The following BCOR variants were observed in gnomAD, a reference collection of about 807,000 sequenced individuals.
The protein encoded by BCOR is BCL6 corepressor.
BCOR carries 10 observed loss-of-function variants against 86.7 expected under a neutral mutation model. The observed-to-expected ratio is 0.12, with a 90% confidence interval of 0.07 to 0.20. BCOR has a LOEUF of 0.20. Among genes scored for constraint, BCOR ranks in the 10% least tolerant of loss-of-function variants. The pLI is 1.00. For synonymous variants in BCOR, 611 were observed against 609.0 expected (o/e 1.00, Z -0.05); for missense variants, 1,259 against 1,452.1 (o/e 0.87, Z 2.16).
At chrX:40,111,043 G>T (rs1255355246) in intron 1 of BCOR, among the ~76,000 whole-genome samples, 1 of 110,782 alleles carries the variant, frequency 9.0e-6, no homozygotes, top group Non-Finnish European at 1.9e-5. Context: ...CAATATTGCA[G>T]CCAATTTGTG....
intron 1 of BCOR, among the ~76,000 whole-genome samples, chrX:40,130,203 G>C (rs1265143690): frequency 9.0e-6 from 1 of 111,259 alleles, no homozygotes; most frequent in African/African-American, 3.3e-5. Flanking sequence ...GCCTGATTAA[G>C]GGTGCACCCC....
At chrX:40,153,556 C>T (rs752453657) in intron 1 of BCOR, among the ~76,000 whole-genome samples, 1 of 112,041 alleles carries the variant, frequency 8.9e-6, no homozygotes, top group South Asian at 3.7e-4. Flanking sequence ...CTCTGCCCCA[C>T]CCCCCGCGGG....
chrX:40,097,064 G>A (rs1193980256), intron 1 of BCOR, among the ~76,000 whole-genome samples, 151 bp downstream of exon 1: 2 of 112,947 alleles, frequency 1.8e-5, no homozygotes, highest in Non-Finnish European at 3.8e-5. Flanking sequence ...ACGAAAGCGA[G>A]CCAAGCAGCC....
intron 1 of BCOR, among the ~76,000 whole-genome samples, chrX:40,158,493 G>A: frequency 8.9e-6 from 1 of 112,653 alleles, no homozygotes; most frequent in Non-Finnish European, 1.9e-5. Flanking sequence ...GGTCGGGGAC[G>A]ATGGGGCGGC....
intron 1 of BCOR, among the ~76,000 whole-genome samples, chrX:40,152,209 G>T (rs1411754586): frequency 8.9e-6 from 1 of 111,976 alleles, no homozygotes; most frequent in African/African-American, 3.2e-5. Flanking sequence ...TCCTGCAAGG[G>T]GACAGGCGGC....
intron 1 of BCOR, among the ~76,000 whole-genome samples, chrX:40,083,018 T>A (rs1936173765): frequency 9.3e-6 from 1 of 108,020 alleles, no homozygotes; most frequent in Non-Finnish European, 1.9e-5. Context: ...CTTCCTGGGG[T>A]TGCTCCAAAC....
At chrX:40,145,976 G>A (rs1938042130) in intron 1 of BCOR, among the ~76,000 whole-genome samples, 1 of 111,715 alleles carries the variant, frequency 9.0e-6, no homozygotes, top group African/African-American at 3.3e-5. Context: ...ATCGTGGGAC[G>A]CGGCGGCGGA....
At chrX:40,067,639 G>A (rs898558445) in intron 6 of BCOR, among the ~76,000 whole-genome samples, 8 of 111,485 alleles carry the variant, frequency 7.2e-5, no homozygotes, top group Admixed American at 1.9e-4. Flanking sequence ...AGATCTTTCC[G>A]CAAATGAGGC....
At chrX:40,071,294 C>G in intron 5 of BCOR, 135 bp from the exon 6 acceptor site, 1 of 617,751 alleles carries the variant, frequency 1.6e-6, no homozygotes, top group Non-Finnish European at 2.5e-6. Flanking sequence ...AGATGTAACT[C>G]AGATATTTTA....
intron 1 of BCOR, among the ~76,000 whole-genome samples, chrX:40,103,754 G>T (rs1358637016): frequency 9.0e-6 from 1 of 110,777 alleles, no homozygotes; most frequent in East Asian, 2.8e-4. Context: ...TAGCAATTAA[G>T]GCGAGAAGGG....
rs748562203 is a variant in BCOR at position 40,064,436 on chromosome X, C to A, written c.3402G>T (p.Arg1134Ser). The A allele has an allele frequency of 4.9e-6, 6 of 1,212,359 alleles. No individual in the cohort carries two copies. The highest frequency in any genetic ancestry group is 6.7e-6 in the Non-Finnish European group (6 of 895,623). ...MPHSPTLRVD[R>S]KRKVSGDSSH... ...TGCTGTCACCTGAGACTTTGCGTTT[C>A]CTGTCCACCCGGAGGGTGGGGCTGT... Residue 1134 changes from arginine (R) to serine (S), a missense_variant, in exon 7 of 15, where the codon AGG (arginine) becomes AGT (serine). Physicochemically the swap from Arg to Ser is moderately radical, Grantham distance 110. Transcript: ENST00000378444.
chrX:40,133,553 G>A (rs967885735), intron 1 of BCOR, among the ~76,000 whole-genome samples: 14 of 110,238 alleles, frequency 1.3e-4, no homozygotes, highest in Admixed American at 3.8e-4. Context: ...TCCGCCTCCC[G>A]GGTTCATGCC....
At chrX:40,153,537 G>A (rs1319946252) in intron 1 of BCOR, among the ~76,000 whole-genome samples, 1 of 111,847 alleles carries the variant, frequency 8.9e-6, no homozygotes, top group Non-Finnish European at 1.9e-5. Flanking sequence ...GAAGGGGAGG[G>A]CACCCAGACT....
At position 40,054,340 on chromosome X, in the gene BCOR, G is replaced by A. The variant is rs764603328; in HGVS notation, c.4742-7C>T. On this transcript the variant is annotated splice_polypyrimidine_tract_variant and splice_region_variant and intron_variant, in intron 12 of 14. Coordinates refer to ENST00000378444, the MANE Select transcript of BCOR (RefSeq NM_001123385.2). ...TGGAGGTCATTTAAATAATCTGGAG[G>A]GAGAGAAAAATAAAAAAACAAGATA... is the stretch of plus-strand genomic sequence containing the variant. The A allele has an allele frequency of 5.1e-6, 6 of 1,186,219 alleles. No homozygotes were observed. The highest frequency in any genetic ancestry group is 6.9e-6 in the Non-Finnish European group (6 of 875,849).
chrX:40,126,140 T>C lies in BCOR; in HGVS notation c.-40-48171A>G, dbSNP rs199959648. On this transcript the variant is annotated intron_variant, in intron 1 of 14. Transcript: ENST00000342274. ...CTGAGGCAGGAGAATCGCTTGAACCTGGGAGGCGGAGGTTGCAGTGAGCCA... is the reference window on the plus strand; with the variant it reads ...CTGAGGCAGGAGAATCGCTTGAACCCGGGAGGCGGAGGTTGCAGTGAGCCA... Among the ~76,000 whole-genome samples, 69 of 102,859 alleles carry C rather than the reference T, an allele frequency of 6.7e-4. No individual in the cohort carries two copies. In the East Asian group the frequency reaches 0.02, roughly 29 times the overall value. The allele number at this position is 102,859 out of a possible 115,157, so 89.3% of individuals were successfully genotyped here.
At chrX:40,108,935 A>T (rs1423722584) in intron 1 of BCOR, among the ~76,000 whole-genome samples, 5 of 113,020 alleles carry the variant, frequency 4.4e-5, no homozygotes, top group Non-Finnish European at 9.4e-5. Context: ...AAGGTAACAC[A>T]TGCACATTCG....
In BCOR at chrX:40,077,879, G is replaced by A. The variant is rs771428828; in HGVS notation, c.51C>T (p.Ser17=). Residue 17 remains serine (S), a synonymous_variant, in exon 2 of 15, where the codon AGC becomes AGT. Coordinates refer to ENST00000378444, the MANE Select transcript of BCOR (RefSeq NM_001123385.2). ...LYGNVHSWMN[S]ERVRMCGASE... ...TCGCCCCACACATGCGGACCCTCTC[G>A]CTGTTCATCCAGCTGTGAACGTTCC... The A allele has an allele frequency of 3.6e-5, 43 of 1,210,802 alleles. No individual in the cohort carries two copies. Among genetic ancestry groups the A allele is most frequent in the Non-Finnish European group, 4.7e-5 (42 of 895,212 alleles).
rs1373208021 is a variant in BCOR, at chrX:40,074,193, C to T, written c.1153G>A (p.Ala385Thr). ...PYMTVSSEFP[A>T]ARLSNGKYPK... The stretch of plus-strand genomic sequence containing the variant: ...TACTTGCCATTGGAGAGCCTGGCCG[C>T]GGGGAACTCGCTGCTAACTGTCATG... Residue 385 changes from alanine to threonine, a missense_variant, in exon 4 of 15, where the codon GCG becomes ACG. Ala to Thr is a moderately conservative substitution (Grantham distance 58). Coordinates refer to ENST00000378444, the MANE Select transcript of BCOR (RefSeq NM_001123385.2). 1.1e-5 allele frequency: 13 copies of T among 1,210,893 alleles called. No individual in the cohort carries two copies. Among genetic ancestry groups the T allele is most frequent in the Non-Finnish European group, 1.2e-5 (11 of 895,389 alleles).
At chrX:40,065,899 C>T (rs888732084) in intron 6 of BCOR, among the ~76,000 whole-genome samples, 10 of 110,387 alleles carry the variant, frequency 9.1e-5, no homozygotes, top group Non-Finnish European at 1.9e-4. Flanking sequence ...ACCAGCACCG[C>T]TCACCCGCTT....
Sources: gnomAD v4.1 joint callset for allele counts (sites outside exome capture counted in the v4.1 genomes callset) on GRCh38, gnomAD v4.1.1 for gene constraint, MANE v1.5 for transcripts, NCBI Gene and HGNC (gene_info 2026-07-23, HGNC 2026-07-21) for gene names.